FHIT: variants seen among roughly 807,000 people sequenced by gnomAD.
The protein encoded by FHIT is bis(5'-adenosyl)-triphosphatase.
A neutral mutation model predicts 17.9 loss-of-function variants in FHIT; 19 were observed. The ratio of observed to expected loss-of-function variants is 1.06; its 90% CI spans 0.74 to 1.56. The LOEUF is 1.56. FHIT is among the 40% of genes most tolerant of loss of function. The probability of loss-of-function intolerance (pLI) is 0.00; values close to 1 mark genes in which losing one functional copy is unlikely to be tolerated. For synonymous variants in FHIT, 81 were observed against 69.7 expected (o/e 1.16, Z -0.81); for missense variants, 248 against 189.2 (o/e 1.31, Z -1.82).
At chr3:61,004,992 C>G (rs1051175773) in intron 3 of FHIT, among the ~76,000 whole-genome samples, 2 of 152,048 alleles carry the variant, frequency 1.3e-5, no homozygotes, top group Non-Finnish European at 2.9e-5. Flanking sequence ...CATTTTCTCC[C>G]CACATGAGAG....
intron 8 of FHIT, among the ~76,000 whole-genome samples, chr3:59,792,414 C>A (rs1699603354): frequency 6.6e-6 from 1 of 152,142 alleles, no homozygotes; most frequent in South Asian, 2.1e-4. Context: ...TCCAAGTACA[C>A]CCTCACTGTG....
chr3:61,203,706 T>G (rs2039108547), intron 1 of FHIT, among the ~76,000 whole-genome samples: 1 of 152,134 alleles, frequency 6.6e-6, no homozygotes. Flanking sequence ...AACTGAGTGG[T>G]TTATCACAAT....
chr3:59,799,053 A>T (rs1236016009), intron 8 of FHIT, among the ~76,000 whole-genome samples: 5 of 152,084 alleles, frequency 3.3e-5, no homozygotes, highest in Non-Finnish European at 5.9e-5. Flanking sequence ...TCCACTGATT[A>T]CTCCCTTTCC....
At chr3:60,689,096 A>G (rs1559641713) in intron 4 of FHIT, among the ~76,000 whole-genome samples, 1 of 152,188 alleles carries the variant, frequency 6.6e-6, no homozygotes, top group Non-Finnish European at 1.5e-5. Flanking sequence ...AAGTCTCACA[A>G]GATCTGATGG....
intron 7 of FHIT, among the ~76,000 whole-genome samples, chr3:60,005,851 G>C (rs1169722170): frequency 2.0e-5 from 3 of 152,144 alleles, no homozygotes; most frequent in African/African-American, 7.2e-5. Context: ...TCATCCTCAA[G>C]ATAAGGCTTT....
At chr3:61,054,996 T>G (rs541757156) in intron 2 of FHIT, among the ~76,000 whole-genome samples, 1 of 152,290 alleles carries the variant, frequency 6.6e-6, no homozygotes, top group East Asian at 1.9e-4. Context: ...AGGAGAACCT[T>G]CCCTGCTTTG....
intron 4 of FHIT, among the ~76,000 whole-genome samples, chr3:60,574,819 C>A (rs78092484): frequency 6.6e-6 from 1 of 151,810 alleles, no homozygotes; most frequent in Non-Finnish European, 1.5e-5. Flanking sequence ...TTAGTGCAGA[C>A]GATCCCAGCC....
intron 5 of FHIT, among the ~76,000 whole-genome samples, chr3:60,332,894 T>C (rs370449307): frequency 7.2e-5 from 11 of 152,314 alleles, no homozygotes; most frequent in South Asian, 4.2e-4. Context: ...AAAACCTGCA[T>C]TGGCCGACAT....
At chr3:60,670,310 T>C (rs1455831904) in intron 4 of FHIT, among the ~76,000 whole-genome samples, 1 of 152,228 alleles carries the variant, frequency 6.6e-6, no homozygotes, top group Non-Finnish European at 1.5e-5. Flanking sequence ...CCTAGAAACC[T>C]GCCTTTCAGT....
chr3:60,641,161 C>G (rs891689789), intron 4 of FHIT, among the ~76,000 whole-genome samples: 1 of 151,910 alleles, frequency 6.6e-6, no homozygotes, highest in African/African-American at 2.4e-5. Context: ...GCCTGGGCAA[C>G]AGGAGTGAAA....
At chr3:60,864,785 C>T (rs1291030207) in intron 3 of FHIT, among the ~76,000 whole-genome samples, 4 of 152,082 alleles carry the variant, frequency 2.6e-5, no homozygotes, top group Non-Finnish European at 5.9e-5. Context: ...AGTGGACACT[C>T]TTAGGAACGC....
chr3:61,109,005 G>A (rs1004322782), intron 2 of FHIT, among the ~76,000 whole-genome samples: 1 of 152,176 alleles, frequency 6.6e-6, no homozygotes, highest in Non-Finnish European at 1.5e-5. Context: ...AGGTTTAAAT[G>A]TAAATATATC....
intron 5 of FHIT, among the ~76,000 whole-genome samples, chr3:60,500,771 TAAAAAAAAA>T (rs71092606): frequency 2.8e-4 from 18 of 64,862 alleles, no homozygotes; most frequent in Non-Finnish European, 3.6e-4. Flanking sequence ...AGCATCCATC[TAAAAAAAAA>T]AAAAAAAAAA....
intron 4 of FHIT, among the ~76,000 whole-genome samples, chr3:60,724,658 T>G (rs937031502): frequency 4.2e-4 from 60 of 141,366 alleles, no homozygotes; most frequent in African/African-American, 1.6e-3. Flanking sequence ...TTTTTTTTTT[T>G]TGTTTTTTTT....
At chr3:60,234,595 T>A (rs530775697) in intron 5 of FHIT, among the ~76,000 whole-genome samples, 1 of 152,240 alleles carries the variant, frequency 6.6e-6, no homozygotes, top group Admixed American at 6.5e-5. Flanking sequence ...AATTCATTTC[T>A]AAGTCTTAGC....
At chr3:60,965,761 C>T (rs1463127284) in intron 3 of FHIT, among the ~76,000 whole-genome samples, 2 of 152,134 alleles carry the variant, frequency 1.3e-5, no homozygotes, top group Non-Finnish European at 2.9e-5. Context: ...GCAAATATTG[C>T]AGAATGGCAA....
At chr3:59,972,194 CA>C (rs879886525) in intron 7 of FHIT, among the ~76,000 whole-genome samples, 3 of 152,060 alleles carry the variant, frequency 2.0e-5, no homozygotes, top group Admixed American at 1.3e-4. Flanking sequence ...CTGTTAAGTT[CA>C]GAACATATAA....
At chr3:60,887,437 G>A (rs1214418176) in intron 3 of FHIT, among the ~76,000 whole-genome samples, 11 of 152,108 alleles carry the variant, frequency 7.2e-5, no homozygotes, top group African/African-American at 2.7e-4. Context: ...CTGAGGTCAG[G>A]AGTTCGAGAC....
intron 3 of FHIT, among the ~76,000 whole-genome samples, chr3:60,930,140 G>A (rs1291885624): frequency 1.3e-5 from 2 of 151,534 alleles, no homozygotes; most frequent in Admixed American, 1.3e-4. Context: ...AATAAATGGT[G>A]CTGGGGAAAC....
Sources: allele counts gnomAD v4.1 joint callset (sites outside exome capture counted in the v4.1 genomes callset), GRCh38; gene constraint gnomAD v4.1.1; transcripts MANE v1.5; gene names NCBI Gene and HGNC (gene_info 2026-07-23, HGNC 2026-07-21).